Variants in MCTP1 observed in about 807,000 individuals in gnomAD.
MCTP1 encodes multiple C2 and transmembrane domain containing 1.
A neutral mutation model predicts 120.6 loss-of-function variants in MCTP1; 69 were observed. That is an observed-to-expected ratio of 0.57 (90% CI 0.47 to 0.70). The LOEUF (loss-of-function observed/expected upper bound fraction) is 0.70, where lower values mean the gene tolerates loss of function less well. Among genes scored for constraint, MCTP1 ranks in the 30% least tolerant of loss-of-function variants. The pLI is 0.00. For missense variants in MCTP1, 1,203 were observed against 1,248.8 expected (o/e 0.96, Z 0.55); for synonymous variants, 529 against 493.1 (o/e 1.07, Z -0.96).
intron 19 of MCTP1, among the ~76,000 whole-genome samples, chr5:94,762,694 A>G (rs1771628970): frequency 6.6e-6 from 1 of 152,164 alleles, no homozygotes; most frequent in Non-Finnish European, 1.5e-5. Flanking sequence ...CATCTCTGGG[A>G]AGGAAAATTA....
chr5:95,090,547 G>C (rs912146332), intron 1 of MCTP1, among the ~76,000 whole-genome samples: 1 of 152,172 alleles, frequency 6.6e-6, no homozygotes, highest in Non-Finnish European at 1.5e-5. Context: ...GATACACGTG[G>C]AGTTGTGCGG....
intron 1 of MCTP1, among the ~76,000 whole-genome samples, chr5:95,041,311 G>GAAAAAAAAAAAAAAAAAAAAAAAAAA (rs58379749): frequency 4.5e-5 from 4 of 89,804 alleles, no homozygotes; most frequent in East Asian, 3.0e-4. Context: ...CCCATGCTCT[G>GAAAAAAAAAAAAAAAAAAAAAAAAAA]AAAAAAAAAA....
At chr5:94,902,134 C>T (rs1414606263) in intron 10 of MCTP1, among the ~76,000 whole-genome samples, 1 of 152,078 alleles carries the variant, frequency 6.6e-6, no homozygotes, top group Non-Finnish European at 1.5e-5. Context: ...AACTAATCCT[C>T]ACAAAATGGA....
intron 19 of MCTP1, among the ~76,000 whole-genome samples, chr5:94,763,000 T>C (rs571021021): frequency 5.3e-5 from 8 of 152,358 alleles, no homozygotes; most frequent in African/African-American, 1.9e-4. Context: ...ATCATGGTCA[T>C]CCACAACATT....
intron 17 of MCTP1, among the ~76,000 whole-genome samples, chr5:94,840,939 AG>A (rs942499322): frequency 9.9e-5 from 15 of 152,142 alleles, no homozygotes; most frequent in African/African-American, 3.4e-4. Context: ...AAGGTGAGGA[AG>A]GGAAATTGTT....
intron 17 of MCTP1, among the ~76,000 whole-genome samples, chr5:94,833,004 C>T (rs1788911032): frequency 6.6e-6 from 1 of 152,120 alleles, no homozygotes; most frequent in Non-Finnish European, 1.5e-5. Context: ...TCTTTGTCTT[C>T]AAGCATCTAA....
At chr5:94,710,268 A>C (rs917731167) in intron 21 of MCTP1, 5 of 152,088 alleles carry the variant, frequency 3.3e-5, no homozygotes, top group Non-Finnish European at 7.4e-5. Flanking sequence ...ATTAGGACCG[A>C]AAAAAATCAC....
intron 1 of MCTP1, among the ~76,000 whole-genome samples, chr5:95,231,968 G>A (rs531814090): frequency 1.6e-4 from 24 of 151,932 alleles, no homozygotes; most frequent in Non-Finnish European, 3.2e-4. Flanking sequence ...TTGTCATTTT[G>A]AGCCAGACAA....
chr5:94,932,202 T>A (rs1263081735), intron 5 of MCTP1, among the ~76,000 whole-genome samples: 10 of 134,614 alleles, frequency 7.4e-5, no homozygotes, highest in Non-Finnish European at 1.6e-5. Context: ...TTCATTTGAT[T>A]TATTCCTTTG....
chr5:94,932,021 C>A, intron 5 of MCTP1, 30 bp from the exon 6 acceptor site: 2 of 1,517,490 alleles, frequency 1.3e-6, no homozygotes, highest in Non-Finnish European at 9.1e-7. Context: ...TTTTCATTAT[C>A]TTTTCACTCA....
intron 1 of MCTP1, among the ~76,000 whole-genome samples, chr5:95,138,236 C>A (rs1381266876): frequency 6.7e-6 from 1 of 150,012 alleles, no homozygotes; most frequent in Non-Finnish European, 1.5e-5. Flanking sequence ...AGATGCAACC[C>A]CCCCCCGACA....
At chr5:95,008,145 C>A (rs1835128164) in intron 2 of MCTP1, among the ~76,000 whole-genome samples, 1 of 152,124 alleles carries the variant, frequency 6.6e-6, no homozygotes. Flanking sequence ...AAAAAGACCT[C>A]AAGCTTCATT....
chr5:94,959,119 T>C (rs1020601757), intron 2 of MCTP1, among the ~76,000 whole-genome samples: 2 of 152,024 alleles, frequency 1.3e-5, no homozygotes, highest in Non-Finnish European at 2.9e-5. Flanking sequence ...GTTCAACATA[T>C]GCAAATCAAT....
chr5:95,169,653 T>A lies in MCTP1; in HGVS notation c.720+114203A>T, dbSNP rs576604990. ...GGTGTATGTGTCCGGAATTTATCCA[T>A]TTTTTCTAGATTTTCGAGTTTATTT... On this transcript the variant is annotated intron_variant, in intron 1 of 22. Coordinates refer to ENST00000515393, the MANE Select transcript of MCTP1 (RefSeq NM_024717.7). Among the ~76,000 whole-genome samples, 8 of 152,284 alleles carry A rather than the reference T, an allele frequency of 5.3e-5. 1 individual carries two copies. In the South Asian group the frequency reaches 1.7e-3, roughly 32 times the overall value.
chr5:94,733,537 T>C (rs1257435258), intron 19 of MCTP1, among the ~76,000 whole-genome samples: 1 of 152,196 alleles, frequency 6.6e-6, no homozygotes, highest in Non-Finnish European at 1.5e-5. Flanking sequence ...AATGGGATAA[T>C]CCATATCTTA....
intron 2 of MCTP1, among the ~76,000 whole-genome samples, chr5:94,960,202 A>C (rs1360808457): frequency 6.6e-6 from 1 of 152,208 alleles, no homozygotes; most frequent in Non-Finnish European, 1.5e-5. Context: ...GGTGTTGGGA[A>C]AACTGGCTAG....
Position 94,923,232 on chromosome 5 carries a change from T to C in MCTP1, c.1272+730A>G, listed in dbSNP as rs559818676. Among the ~76,000 whole-genome samples, 7 of 152,312 alleles carry C rather than the reference T, an allele frequency of 4.6e-5. No individual in the cohort carries two copies. In the East Asian group the frequency reaches 1.2e-3, roughly 25 times the overall value. On this transcript the variant is annotated intron_variant, in intron 7 of 22. Transcript: ENST00000515393. ...AAGCCCTAAGAGTGTAGCATTTTCA[T>C]TGTAATATCTATTGTTACATTAAGC...
At chr5:94,768,346 CAA>C (rs1295852318) in intron 19 of MCTP1, among the ~76,000 whole-genome samples, 1 of 151,990 alleles carries the variant, frequency 6.6e-6, no homozygotes, top group African/African-American at 2.4e-5. Context: ...TTGGTCTAGG[CAA>C]AGTTTTATGG....
At chr5:94,824,153 C>T (rs981039984) in intron 17 of MCTP1, among the ~76,000 whole-genome samples, 5 of 152,146 alleles carry the variant, frequency 3.3e-5, no homozygotes, top group Non-Finnish European at 7.4e-5. Context: ...CCAGCTTTTG[C>T]CCATTCAGGA....
Sources: allele counts gnomAD v4.1 joint callset (sites outside exome capture counted in the v4.1 genomes callset), GRCh38; gene constraint gnomAD v4.1.1; transcripts MANE v1.5; gene names NCBI Gene and HGNC (gene_info 2026-07-23, HGNC 2026-07-21).